PPM1H: variants seen among roughly 807,000 people sequenced by gnomAD.
PPM1H encodes the protein protein phosphatase 1H.
PPM1H carries 27 observed loss-of-function variants against 54.9 expected under a neutral mutation model. The ratio of observed to expected loss-of-function variants is 0.49; its 90% CI spans 0.36 to 0.68. PPM1H has a LOEUF of 0.68. Among genes scored for constraint, PPM1H ranks in the 30% least tolerant of loss-of-function variants. The pLI, the probability that PPM1H is intolerant of heterozygous loss-of-function variation, is 0.00. For missense variants in PPM1H, 596 were observed against 667.8 expected (o/e 0.89, Z 1.19); for synonymous variants, 305 against 270.8 (o/e 1.13, Z -1.24).
At chr12:62,902,261 G>A (rs986192129) in intron 1 of PPM1H, among the ~76,000 whole-genome samples, 1 of 151,854 alleles carries the variant, frequency 6.6e-6, no homozygotes, top group Non-Finnish European at 1.5e-5. Context: ...AGCTGAGGCA[G>A]GAGAATCACT....
chr12:62,805,692 G>A (rs2076801894), intron 2 of PPM1H, among the ~76,000 whole-genome samples: 1 of 152,184 alleles, frequency 6.6e-6, no homozygotes, highest in Non-Finnish European at 1.5e-5. Flanking sequence ...GCCAGGGGCT[G>A]GGGTTGAGGA....
chr12:62,675,510 C>G lies in PPM1H; in HGVS notation c.1246-8181G>C, dbSNP rs2075980586. 2.0e-5 allele frequency among the ~76,000 whole-genome samples: 3 copies of G among 152,110 alleles called. No homozygotes were observed. The South Asian group carries it at 6.2e-4, about 32-fold the overall frequency. On this transcript the variant is annotated intron_variant, in intron 8 of 9. Transcript: ENST00000228705. ...GCAAAGATAAGCATCAGAAGAAATC[C>G]CAGCCTGTGAATGCAAACATGAGGG...
intron 5 of PPM1H, among the ~76,000 whole-genome samples, chr12:62,725,263 T>C (rs1592564549): frequency 6.6e-6 from 1 of 152,202 alleles, no homozygotes; most frequent in East Asian, 1.9e-4. Flanking sequence ...GTTTGGTGTG[T>C]TGGGACTCAG....
chr12:62,746,633 T>C (rs182125045), intron 4 of PPM1H, among the ~76,000 whole-genome samples: 37 of 152,308 alleles, frequency 2.4e-4, no homozygotes, highest in African/African-American at 7.7e-4. Flanking sequence ...AACAGCCAAT[T>C]ACGCTTTCTA....
chr12:62,905,834 T>C (rs1871287781), intron 1 of PPM1H, among the ~76,000 whole-genome samples: 1 of 152,110 alleles, frequency 6.6e-6, no homozygotes, highest in African/African-American at 2.4e-5. Context: ...GTCTTACTAA[T>C]GGAGATAGTA....
At chr12:62,908,456 TTTTTA>T (rs1415297659) in intron 1 of PPM1H, among the ~76,000 whole-genome samples, 4 of 151,832 alleles carry the variant, frequency 2.6e-5, no homozygotes, top group South Asian at 2.1e-4. Flanking sequence ...GTTTTGCTCA[TTTTTA>T]TTTTATTTTT....
chr12:62,901,405 C>T (rs1381209348), intron 1 of PPM1H, among the ~76,000 whole-genome samples: 1 of 152,196 alleles, frequency 6.6e-6, no homozygotes, highest in Non-Finnish European at 1.5e-5. Flanking sequence ...TCATTAAAAG[C>T]TTGCCACTTC....
intron 1 of PPM1H, among the ~76,000 whole-genome samples, chr12:62,880,592 C>T (rs1870357486): frequency 6.6e-6 from 1 of 152,206 alleles, no homozygotes; most frequent in Admixed American, 6.5e-5. Flanking sequence ...ATTCCATTCT[C>T]CTTGTGTCTT....
chr12:62,757,055 A>G (rs75302065), intron 4 of PPM1H, among the ~76,000 whole-genome samples: 2,528 of 152,326 alleles, frequency 0.017, 47 homozygotes, highest in East Asian at 0.066. Context: ...GGCACCCCCA[A>G]TGATGAGACT....
intron 4 of PPM1H, chr12:62,755,422 C>T: frequency 2.8e-6 from 2 of 723,198 alleles, no homozygotes; most frequent in Non-Finnish European, 5.1e-6. Flanking sequence ...GAATGGGAAG[C>T]TTGTCATCAA....
At chr12:62,663,188 G>A (rs770913149) in intron 9 of PPM1H, among the ~76,000 whole-genome samples, 15 of 152,074 alleles carry the variant, frequency 9.9e-5, no homozygotes, top group Non-Finnish European at 1.8e-4. Flanking sequence ...TTGCATGAAC[G>A]ACGATGCAAG....
intron 1 of PPM1H, among the ~76,000 whole-genome samples, chr12:62,857,647 G>A (rs1023903734): frequency 2.0e-5 from 3 of 152,066 alleles, no homozygotes; most frequent in Non-Finnish European, 4.4e-5. Flanking sequence ...TCCACTGAAT[G>A]TCAAGTTTTT....
At chr12:62,855,869 G>A (rs538174127) in intron 1 of PPM1H, among the ~76,000 whole-genome samples, 1 of 152,230 alleles carries the variant, frequency 6.6e-6, no homozygotes, top group African/African-American at 2.4e-5. Flanking sequence ...TCAAACAAAG[G>A]GACATAGTTA....
Position 62,932,628 on chromosome 12 carries a change from C to CTTTTTTTTTTTTTTTTTTTTTTTTTTT in PPM1H, c.245+1863_245+1864insAAAAAAAAAAAAAAAAAAAAAAAAAAA, listed in dbSNP as rs61003358. 1.3e-4 allele frequency among the ~76,000 whole-genome samples: 7 copies of CTTTTTTTTTTTTTTTTTTTTTTTTTTT among 54,006 alleles called. 2 individuals are homozygous for CTTTTTTTTTTTTTTTTTTTTTTTTTTT. Among genetic ancestry groups the CTTTTTTTTTTTTTTTTTTTTTTTTTTT allele is most frequent in the East Asian group, 1.1e-3 (2 of 1,756 alleles). 35.4% of individuals were successfully genotyped at this position (54,006 alleles called of 152,430 possible). A position where few individuals can be genotyped will look rare whatever the true frequency, so the allele number is the denominator to read the frequency against. ...CTGTCTCGTAAAGGGTCCAAATGGG[C>CTTTTTTTTTTTTTTTTTTTTTTTTTTT]TTTTTTTTTTTTTTTTTTTTTTTGA... On this transcript the variant is annotated intron_variant, in intron 1 of 9. Coordinates refer to ENST00000228705, the MANE Select transcript of PPM1H (RefSeq NM_020700.2).
chr12:62,791,136 T>G (rs536939741), intron 3 of PPM1H, among the ~76,000 whole-genome samples: 1 of 152,178 alleles, frequency 6.6e-6, no homozygotes, highest in Non-Finnish European at 1.5e-5. Context: ...AAAAATGGAT[T>G]CCACAATTCA....
intron 1 of PPM1H, among the ~76,000 whole-genome samples, chr12:62,889,748 G>A (rs1870719002): frequency 6.6e-6 from 1 of 152,078 alleles, no homozygotes; most frequent in Non-Finnish European, 1.5e-5. Context: ...TCTAGACACA[G>A]ATTTTACACA....
Position 62,832,114 on chromosome 12 carries a change from C to A in PPM1H, c.411G>T (p.Ser137=), listed in dbSNP as rs745947318. The part of the protein sequence containing the change: ...NGEGLQLKEN[S]ESEGVSCHYW... ...AACCAAGGATCGAGAAGGGTCTTAC[C>A]GAGTTCTCCTTCAGCTGCAGCCCTT... The change falls in exon 2 of 10, where the codon TCG becomes TCT. Residue 137 remains serine (S), a splice_region_variant and synonymous_variant. Transcript: ENST00000228705. The A allele has an allele frequency of 1.9e-6, 3 of 1,613,528 alleles. No individual in the cohort carries two copies. The highest frequency in any genetic ancestry group is 2.5e-6 in the Non-Finnish European group (3 of 1,179,658).
intron 2 of PPM1H, among the ~76,000 whole-genome samples, chr12:62,815,187 CT>C (rs10650338): frequency 1.3e-5 from 2 of 151,088 alleles, no homozygotes; most frequent in South Asian, 2.1e-4. Flanking sequence ...TACCATACCT[CT>C]TTTTTTTTGA....
intron 3 of PPM1H, among the ~76,000 whole-genome samples, chr12:62,788,736 G>T (rs973413878): frequency 6.6e-6 from 1 of 152,132 alleles, no homozygotes; most frequent in African/African-American, 2.4e-5. Context: ...TGTTTTGTTT[G>T]TTTTTTGAAG....
Sources: allele counts gnomAD v4.1 joint callset (sites outside exome capture counted in the v4.1 genomes callset), GRCh38; gene constraint gnomAD v4.1.1; transcripts MANE v1.5; gene names NCBI Gene and HGNC (gene_info 2026-07-23, HGNC 2026-07-21).